MLIP: variants seen among roughly 807,000 people sequenced by gnomAD.
MLIP encodes muscular LMNA-interacting protein.
MLIP carries 79 observed loss-of-function variants against 84.8 expected under a neutral mutation model. The ratio of observed to expected loss-of-function variants is 0.93; its 90% confidence interval spans 0.78 to 1.12. The LOEUF (loss-of-function observed/expected upper bound fraction) is 1.12. Among genes scored for constraint, MLIP ranks in the 50% most tolerant of loss-of-function variants. The pLI, the probability that MLIP is intolerant of heterozygous loss-of-function variation, is 0.00. For synonymous variants in MLIP, 504 were observed against 463.0 expected (o/e 1.09, Z -1.14); for missense variants, 1,257 against 1,160.6 (o/e 1.08, Z -1.21).
intron 1 of MLIP, chr6:54,031,367 T>C (rs1196548059): frequency 6.6e-6 from 1 of 152,200 alleles, no homozygotes; most frequent in Non-Finnish European, 1.5e-5. Context: ...AGTGCTTACA[T>C]CCTTCTGCCT....
rs754848994 is a variant in MLIP, at chr6:54,128,321, T to C, written c.645+3456T>C. 2.0e-5 allele frequency among the ~76,000 whole-genome samples: 3 copies of C among 151,802 alleles called. No homozygotes were observed. In the East Asian group the frequency reaches 5.8e-4, roughly 29 times the overall value. On this transcript the variant is annotated intron_variant, in intron 3 of 13. Coordinates refer to ENST00000502396, the MANE Select transcript of MLIP (RefSeq NM_001281747.2). ...GTCATATAAATTAAAGTGATGGGAA[T>C]TTACTCAGGGAGAGAAGGTAAAAGT...
chr6:54,236,956 G>C (rs1275910140), intron 12 of MLIP, among the ~76,000 whole-genome samples: 1 of 151,994 alleles, frequency 6.6e-6, no homozygotes, highest in Admixed American at 6.6e-5. Context: ...ACCTAATCCA[G>C]GTTTTCCCCA....
intron 12 of MLIP, among the ~76,000 whole-genome samples, chr6:54,236,509 G>A (rs1781370800): frequency 6.6e-6 from 1 of 152,174 alleles, no homozygotes; most frequent in African/African-American, 2.4e-5. Flanking sequence ...GGCTGAGGCA[G>A]GAGAATTGCT....
intron 1 of MLIP, among the ~76,000 whole-genome samples, chr6:54,025,602 T>A (rs1451388315): frequency 6.6e-6 from 1 of 152,338 alleles, no homozygotes; most frequent in East Asian, 1.9e-4. Flanking sequence ...CTTCCTTGTC[T>A]CTGCTACTCA....
chr6:54,117,398 T>G (rs1770027880), intron 1 of MLIP, among the ~76,000 whole-genome samples: 1 of 151,248 alleles, frequency 6.6e-6, no homozygotes, highest in Non-Finnish European at 1.5e-5. Context: ...GTATTTTTAG[T>G]AGAGAAGGGG....
chr6:54,243,696 A>G (rs1002821515), intron 12 of MLIP, among the ~76,000 whole-genome samples: 1 of 152,152 alleles, frequency 6.6e-6, no homozygotes, highest in Non-Finnish European at 1.5e-5. Flanking sequence ...ATTTTCTTTG[A>G]GATATCTCCC....
chr6:54,021,488 G>A (rs947637829), intron 1 of MLIP, among the ~76,000 whole-genome samples: 20 of 152,206 alleles, frequency 1.3e-4, no homozygotes, highest in African/African-American at 4.6e-4. Context: ...AAGTAAGAAA[G>A]TCACCAGTCT....
rs1434931785 is a variant in MLIP at position 54,124,865 on chromosome 6, G to T, written c.645G>T (p.Gln215His). 1 of 1,571,234 alleles carries T rather than the reference G, an allele frequency of 6.4e-7. No homozygotes were observed. The highest frequency in any genetic ancestry group is 2.2e-5 in the East Asian group (1 of 44,488). ...TGGCCCCTCAGCAAAAGCATGGGCA[G>T]GTAGGTTTTGTGTTCCTGCTGTCCA... ...HGMAPQQKHGQLTSSPTTSEQ... is the reference protein window; with the variant it reads ...HGMAPQQKHGHLTSSPTTSEQ... The change falls in exon 3 of 14, where the codon CAG (glutamine) becomes CAT (histidine). Residue 215 changes from glutamine (Q) to histidine (H), a missense_variant and splice_region_variant. Gln to His is a conservative substitution (Grantham distance 24, BLOSUM62 0). Transcript: ENST00000502396.
intron 1 of MLIP, among the ~76,000 whole-genome samples, chr6:54,050,420 G>A (rs1765310775): frequency 6.6e-6 from 1 of 152,022 alleles, no homozygotes; most frequent in Admixed American, 6.6e-5. Flanking sequence ...AATTCATTCT[G>A]CATATAGTGT....
intron 4 of MLIP, among the ~76,000 whole-genome samples, chr6:54,144,244 G>A (rs1055503816): frequency 1.3e-5 from 2 of 152,154 alleles, no homozygotes; most frequent in South Asian, 2.1e-4. Context: ...TAAGACAGAC[G>A]TGATCACCGA....
At chr6:54,184,527 T>G (rs1777201676) in intron 9 of MLIP, among the ~76,000 whole-genome samples, 1 of 152,204 alleles carries the variant, frequency 6.6e-6, no homozygotes, top group Non-Finnish European at 1.5e-5. Flanking sequence ...GTTCTTTGTT[T>G]GCCTTTGGCA....
At chr6:54,165,882 T>G (rs1562004847) in intron 8 of MLIP, among the ~76,000 whole-genome samples, 1 of 151,894 alleles carries the variant, frequency 6.6e-6, no homozygotes, top group Non-Finnish European at 1.5e-5. Flanking sequence ...ATGAATGGGA[T>G]AAGTTCCCTT....
At chr6:54,038,472 C>T (rs1764567076) in intron 1 of MLIP, among the ~76,000 whole-genome samples, 1 of 151,798 alleles carries the variant, frequency 6.6e-6, no homozygotes, top group Non-Finnish European at 1.5e-5. Context: ...ATTAAAAACT[C>T]TGTTCTTTAT....
intron 1 of MLIP, among the ~76,000 whole-genome samples, chr6:54,075,381 G>A (rs890548766): frequency 6.6e-6 from 1 of 151,932 alleles, no homozygotes; most frequent in African/African-American, 2.4e-5. Flanking sequence ...TATCTAGGTG[G>A]ATTTGTGATT....
At chr6:54,254,498 C>G (rs1424806688) in intron 12 of MLIP, among the ~76,000 whole-genome samples, 1 of 151,860 alleles carries the variant, frequency 6.6e-6, no homozygotes, top group Non-Finnish European at 1.5e-5. Flanking sequence ...TGTTATTGTC[C>G]TCCCCATTTG....
In MLIP at chr6:54,121,508, G is replaced by T. The variant is rs1460129973; in HGVS notation, c.158G>T (p.Arg53Ile). ...LIFTFVPTVR[R>I]LPTHTQLADT... ...TTCACATTTGTCCCCACTGTCAGAAGACTACCAACCCATACTCAGTTGGCT... is the reference window on the plus strand; with the variant it reads ...TTCACATTTGTCCCCACTGTCAGAATACTACCAACCCATACTCAGTTGGCT... Residue 53 changes from arginine (R) to isoleucine (I), a missense_variant, in exon 2 of 14, where the codon AGA (arginine) becomes ATA (isoleucine). Arg to Ile is a moderately conservative substitution (Grantham distance 97). Transcript: ENST00000502396. 1 of 1,614,108 alleles carries T rather than the reference G, an allele frequency of 6.2e-7. No homozygotes were observed. Among genetic ancestry groups the T allele is most frequent in the Non-Finnish European group, 8.5e-7 (1 of 1,180,002 alleles).
chr6:54,063,599 G>T (rs565599962), intron 1 of MLIP, among the ~76,000 whole-genome samples: 1 of 152,136 alleles, frequency 6.6e-6, no homozygotes, highest in Admixed American at 6.5e-5. Context: ...GGCTTCATCA[G>T]GTCAAATATT....
intron 12 of MLIP, among the ~76,000 whole-genome samples, chr6:54,233,802 C>T (rs893068976): frequency 6.6e-5 from 10 of 152,172 alleles, no homozygotes; most frequent in African/African-American, 2.4e-4. Context: ...AACTAATTTA[C>T]ACTCCCACCA....
chr6:54,210,730 G>GGAAAA (rs376473532), intron 11 of MLIP, among the ~76,000 whole-genome samples: 3 of 131,234 alleles, frequency 2.3e-5, no homozygotes, highest in South Asian at 5.2e-4. Flanking sequence ...CCAACGGAGG[G>GGAAAA]AAAAAAAAAA....
Sources: gnomAD v4.1 joint callset for allele counts (sites outside exome capture counted in the v4.1 genomes callset) on GRCh38, gnomAD v4.1.1 for gene constraint, MANE v1.5 for transcripts, NCBI Gene and HGNC (gene_info 2026-07-23, HGNC 2026-07-21) for gene names.